GAB1: variants seen among roughly 807,000 people sequenced by gnomAD.
GAB1 encodes the protein GRB2 associated binding protein 1.
Under a neutral mutation model 66.5 loss-of-function variants are expected in GAB1, and 19 were observed. The ratio of observed to expected loss-of-function variants is 0.29; its 90% confidence interval spans 0.20 to 0.42. The LOEUF is 0.42. Ranked by LOEUF, GAB1 falls within the 10% of genes least tolerant of loss-of-function variation. The pLI, the probability that GAB1 is intolerant of heterozygous loss-of-function variation, is 1.00. For missense variants in GAB1, 732 were observed against 858.5 expected (o/e 0.85, Z 1.84); for synonymous variants, 294 against 301.4 (o/e 0.98, Z 0.25).
chr4:143,382,425 T>G (rs145330456), intron 1 of GAB1, among the ~76,000 whole-genome samples: 54 of 152,342 alleles, frequency 3.5e-4, no homozygotes, highest in African/African-American at 1.1e-3. Context: ...AGGAATAGTG[T>G]AAAAAGAACT....
At chr4:143,395,838 G>T in intron 1 of GAB1, 2 of 453,858 alleles carry the variant, frequency 4.4e-6, no homozygotes. Context: ...AACAAAATGA[G>T]GAGTAAGTGA....
intron 6 of GAB1, chr4:143,457,595 CTTTTTT>C (rs144852070): frequency 9.8e-5 from 29 of 294,634 alleles, no homozygotes; most frequent in Admixed American, 2.1e-4. Flanking sequence ...GGCTCTGTTG[CTTTTTT>C]TTTTTTTTTT....
chr4:143,418,156 A>G (rs1732797527), intron 2 of GAB1, among the ~76,000 whole-genome samples: 1 of 152,222 alleles, frequency 6.6e-6, no homozygotes, highest in African/African-American at 2.4e-5. Flanking sequence ...GAGGGAAGGA[A>G]GGGTCCAGCT....
intron 2 of GAB1, among the ~76,000 whole-genome samples, chr4:143,428,312 C>T (rs1733471987): frequency 6.6e-6 from 1 of 152,102 alleles, no homozygotes; most frequent in Admixed American, 6.5e-5. Context: ...TGTATGGACT[C>T]TATATCATAA....
intron 3 of GAB1, 96 bp from the exon 4 acceptor site, chr4:143,437,903 G>A (rs1734015029): frequency 8.5e-7 from 1 of 1,182,538 alleles, no homozygotes; most frequent in Admixed American, 2.3e-5. Flanking sequence ...AATGAGAAAA[G>A]CCCTATCTTT....
intron 1 of GAB1, among the ~76,000 whole-genome samples, chr4:143,375,478 A>G (rs1730375075): frequency 6.6e-6 from 1 of 152,188 alleles, no homozygotes; most frequent in Non-Finnish European, 1.5e-5. Flanking sequence ...AGATGGTAGC[A>G]CCTGGAAGTC....
intron 6 of GAB1, among the ~76,000 whole-genome samples, chr4:143,450,215 G>T (rs1734842716): frequency 6.6e-6 from 1 of 151,948 alleles, no homozygotes; most frequent in African/African-American, 2.4e-5. Context: ...TATACCATGA[G>T]ACCATTAAAA....
intron 1 of GAB1, among the ~76,000 whole-genome samples, chr4:143,350,297 A>G (rs1729149139): frequency 6.6e-6 from 1 of 152,192 alleles, no homozygotes; most frequent in African/African-American, 2.4e-5. Context: ...CAACTGCCTG[A>G]TTGGGACTAA....
chr4:143,432,126 G>A (rs1290807369), intron 2 of GAB1, among the ~76,000 whole-genome samples: 1 of 152,122 alleles, frequency 6.6e-6, no homozygotes, highest in Non-Finnish European at 1.5e-5. Context: ...GGGAATGCTG[G>A]CCAGCCCACT....
At chr4:143,344,458 G>A (rs1191552189) in intron 1 of GAB1, among the ~76,000 whole-genome samples, 1 of 152,150 alleles carries the variant, frequency 6.6e-6, no homozygotes, top group East Asian at 1.9e-4. Flanking sequence ...ATCTCAGTCT[G>A]CCAACTAATA....
intron 1 of GAB1, among the ~76,000 whole-genome samples, chr4:143,409,229 T>A (rs1732227226): frequency 6.6e-6 from 1 of 152,146 alleles, no homozygotes; most frequent in South Asian, 2.1e-4. Context: ...AAATAAGGTA[T>A]TTCAGACTGA....
chr4:143,467,317 T>A (rs1242497385), intron 9 of GAB1, among the ~76,000 whole-genome samples: 1 of 152,330 alleles, frequency 6.6e-6, no homozygotes, highest in African/African-American at 2.4e-5. Flanking sequence ...CATTTCTGTA[T>A]CTTTGGTATT....
intron 2 of GAB1, among the ~76,000 whole-genome samples, chr4:143,420,150 C>G (rs1030892241): frequency 6.6e-6 from 1 of 152,068 alleles, no homozygotes; most frequent in African/African-American, 2.4e-5. Flanking sequence ...TTATCTAGAT[C>G]TGTCCCAAGC....
At chr4:143,406,255 A>ATT (rs202041939) in intron 1 of GAB1, among the ~76,000 whole-genome samples, 4 of 149,636 alleles carry the variant, frequency 2.7e-5, no homozygotes, top group African/African-American at 7.3e-5. Context: ...ATTTAGCCAC[A>ATT]TTTTTTTTTT....
At chr4:143,350,105 C>T (rs756692910) in intron 1 of GAB1, 13 of 1,225,254 alleles carry the variant, frequency 1.1e-5, no homozygotes, top group Admixed American at 2.2e-5. Flanking sequence ...GCTGCACCGG[C>T]GTCATCCGCC....
chr4:143,417,542 G>T, intron 2 of GAB1: 1 of 301,450 alleles, frequency 3.3e-6, no homozygotes, highest in Non-Finnish European at 6.5e-6. Context: ...TGAGTAGCTG[G>T]AATTACAGGT....
intron 2 of GAB1, among the ~76,000 whole-genome samples, chr4:143,419,605 G>A (rs1388601785): frequency 1.3e-5 from 2 of 152,120 alleles, no homozygotes. Context: ...TTAATCACAA[G>A]TCATTTTTAT....
In GAB1 at chr4:143,438,286, C is replaced by T. The variant is rs753610245; in HGVS notation, c.881C>T (p.Ser294Leu). The stretch of plus-strand genomic sequence containing the variant: ...GTTTTTAATACCCCATCTGGGACAT[C>T]GAGTGTAGAGACTCAAATGAGGCAT... ...LYVFNTPSGT[S>L]SVETQMRHVS... The change falls in exon 4 of 10, where the codon TCG (serine) becomes TTG (leucine). Residue 294 changes from serine to leucine, a missense_variant. Transcript: ENST00000262994. The T allele has an allele frequency of 2.0e-5, 33 of 1,613,720 alleles. No homozygotes were observed. Among genetic ancestry groups the T allele is most frequent in the East Asian group, 2.0e-4 (9 of 44,878 alleles).
At chr4:143,396,370 A>G (rs760557057) in intron 1 of GAB1, among the ~76,000 whole-genome samples, 35 of 152,256 alleles carry the variant, frequency 2.3e-4, no homozygotes, top group Non-Finnish European at 1.5e-5. Context: ...TTGAAAATGT[A>G]AACTATAGAT....
Sources: allele counts gnomAD v4.1 joint callset (sites outside exome capture counted in the v4.1 genomes callset), GRCh38; gene constraint gnomAD v4.1.1; transcripts MANE v1.5; gene names NCBI Gene and HGNC (gene_info 2026-07-23, HGNC 2026-07-21).